The following FARP2 variants were observed in gnomAD, a reference collection of about 807,000 sequenced individuals.
The protein encoded by FARP2 is FERM, ARHGEF and pleckstrin domain-containing protein 2.
In FARP2, 111 loss-of-function variants were observed where a neutral mutation model predicts 130.5. The observed-to-expected ratio is 0.85, with a 90% CI of 0.73 to 1.00. The LOEUF (loss-of-function observed/expected upper bound fraction) is 1.00, where lower values mean the gene tolerates loss of function less well. Among genes scored for constraint, FARP2 ranks in the 50% least tolerant of loss-of-function variants. FARP2 has a pLI of 0.00. For synonymous variants in FARP2, 504 were observed against 516.9 expected, an observed-to-expected ratio of 0.98 and a Z score of 0.34; for missense variants, 1,385 against 1,346.3, an observed-to-expected ratio of 1.03 and a Z score of -0.45.
chr2:241,403,949 T>G lies in FARP2; in HGVS notation c.288+17T>G, dbSNP rs1261494369. 1.4e-6 allele frequency: 2 copies of G among 1,456,750 alleles called. No homozygotes were observed. The highest frequency in any genetic ancestry group is 3.4e-5 in the Admixed American group (2 of 59,660). The allele number at this position is 1,456,750 out of a possible 1,614,324, so 90.2% of individuals were successfully genotyped here. The stretch of plus-strand genomic sequence containing the variant: ...TCCTACTGGGTAAGTGCTTATGACG[T>G]GCCCAGGCGTGGAGCCTTTGGGCCT... On this transcript the variant is annotated intron_variant, in intron 3 of 26. Transcript: ENST00000264042.
intron 21 of FARP2, 51 bp from the exon 22 acceptor site, chr2:241,489,911 C>T: frequency 7.8e-7 from 1 of 1,275,420 alleles, no homozygotes; most frequent in Non-Finnish European, 1.1e-6. Flanking sequence ...CAGGCTTAGG[C>T]TGTCAGTTCC....
At chr2:241,430,100 C>G (rs2150394276) in intron 8 of FARP2, among the ~76,000 whole-genome samples, 1 of 152,304 alleles carries the variant, frequency 6.6e-6, no homozygotes, top group Admixed American at 6.5e-5. Flanking sequence ...GTTTATGTCA[C>G]TGTGGATTCA....
At chr2:241,405,568 A>G (rs1171955364) in intron 4 of FARP2, among the ~76,000 whole-genome samples, 1 of 152,188 alleles carries the variant, frequency 6.6e-6, no homozygotes, top group Non-Finnish European at 1.5e-5. Flanking sequence ...AAAAATAACT[A>G]TTTTATACCA....
chr2:241,486,378 C>A (rs2064751717), intron 21 of FARP2, among the ~76,000 whole-genome samples: 1 of 125,350 alleles, frequency 8.0e-6, no homozygotes, highest in Admixed American at 9.8e-5. Flanking sequence ...GGGAGAATCA[C>A]TTAAGCCCAG....
chr2:241,415,202 A>G (rs1310071616), intron 7 of FARP2, among the ~76,000 whole-genome samples: 1 of 152,172 alleles, frequency 6.6e-6, no homozygotes, highest in Non-Finnish European at 1.5e-5. Context: ...AGGGCAGTAC[A>G]GGTAGAGCTC....
chr2:241,386,999 T>C (rs557018080), intron 2 of FARP2, among the ~76,000 whole-genome samples: 20 of 152,374 alleles, frequency 1.3e-4, no homozygotes, highest in African/African-American at 4.8e-4. Flanking sequence ...GGGATACCCA[T>C]GTCCTTCTTT....
At chr2:241,467,566 C>T (rs112557213) in intron 17 of FARP2, among the ~76,000 whole-genome samples, 11,658 of 150,546 alleles carry the variant, frequency 0.077, 463 homozygotes, top group Middle Eastern at 0.13. Flanking sequence ...CACTTGAACC[C>T]GGGAGGCAGA....
rs138298343 is a variant in FARP2 at position 241,436,248 on chromosome 2, C to T, written c.1101-233C>T. 5.3e-3 allele frequency among the ~76,000 whole-genome samples: 809 copies of T among 152,202 alleles called. 14 individuals are homozygous for T. The highest frequency in any genetic ancestry group is 0.018 in the African/African-American group (757 of 41,536). On this transcript the variant is annotated intron_variant, in intron 11 of 26. Coordinates refer to ENST00000264042, the MANE Select transcript of FARP2 (RefSeq NM_014808.4). The stretch of plus-strand genomic sequence containing the variant: ...AATCTGAAAATTCTTGTTGTTTCTC[C>T]GCACGTGGAATTTTTTCCTTTAGTG...
intron 26 of FARP2, 145 bp from the exon 27 acceptor site, chr2:241,493,863 C>T: frequency 1.8e-6 from 1 of 562,724 alleles, no homozygotes; most frequent in East Asian, 3.0e-5. Flanking sequence ...TCCCAAAGTG[C>T]TGGGATTATA....
chr2:241,414,564 G>A (rs530233615), intron 7 of FARP2, among the ~76,000 whole-genome samples: 17 of 152,314 alleles, frequency 1.1e-4, no homozygotes, highest in South Asian at 2.1e-4. Context: ...TGGTTTGAAC[G>A]GCACAGACTG....
At chr2:241,404,716 T>C in intron 3 of FARP2, 83 bp from the exon 4 acceptor site, 1 of 1,057,130 alleles carries the variant, frequency 9.5e-7, no homozygotes, top group Non-Finnish European at 1.4e-6. Context: ...TATCTTATTA[T>C]AACCATTTTT....
chr2:241,462,910 A>G (rs946929118), intron 15 of FARP2, among the ~76,000 whole-genome samples: 1 of 152,086 alleles, frequency 6.6e-6, no homozygotes, highest in Non-Finnish European at 1.5e-5. Flanking sequence ...GGCTGGTCCC[A>G]AACTCCTGAC....
chr2:241,472,614 G>A (rs767277471), intron 18 of FARP2, among the ~76,000 whole-genome samples: 42 of 150,134 alleles, frequency 2.8e-4, no homozygotes, highest in Non-Finnish European at 4.6e-4. Flanking sequence ...TGAGGAGACC[G>A]TGTTCTGTAG....
At chr2:241,409,786 C>G (rs1301365870) in intron 5 of FARP2, among the ~76,000 whole-genome samples, 2 of 152,046 alleles carry the variant, frequency 1.3e-5, no homozygotes, top group African/African-American at 2.4e-5. Context: ...TTTTCCATAT[C>G]GTATATAAAA....
At chr2:241,418,529 TGAGCGCTTTA>T (rs1484011598) in intron 8 of FARP2, among the ~76,000 whole-genome samples, 1 of 152,180 alleles carries the variant, frequency 6.6e-6, no homozygotes, top group East Asian at 1.9e-4. Flanking sequence ...GGCTGGACTG[TGAGCGCTTTA>T]GAGTGGGTTA....
At chr2:241,440,454 A>T (rs572066128) in intron 12 of FARP2, among the ~76,000 whole-genome samples, 1 of 152,170 alleles carries the variant, frequency 6.6e-6, no homozygotes, top group African/African-American at 2.4e-5. Flanking sequence ...GCCACTGGAC[A>T]TCTGGTCCTG....
chr2:241,411,457 T>C (rs2062515934), intron 6 of FARP2, among the ~76,000 whole-genome samples: 1 of 152,218 alleles, frequency 6.6e-6, no homozygotes, highest in South Asian at 2.1e-4. Context: ...TAAACCAAAC[T>C]CTGAGCAAAC....
intron 7 of FARP2, among the ~76,000 whole-genome samples, chr2:241,416,203 C>A (rs533863210): frequency 6.6e-6 from 1 of 152,140 alleles, no homozygotes; most frequent in Non-Finnish European, 1.5e-5. Flanking sequence ...TGCACATGTT[C>A]TTGTGCCTGT....
chr2:241,413,066 C>T (rs2062563914), intron 6 of FARP2, among the ~76,000 whole-genome samples: 1 of 152,144 alleles, frequency 6.6e-6, no homozygotes, highest in African/African-American at 2.4e-5. Flanking sequence ...CAATGTTTGC[C>T]TCCCTGGAGT....
Sources: gnomAD v4.1 joint callset for allele counts (sites outside exome capture counted in the v4.1 genomes callset) on GRCh38, gnomAD v4.1.1 for gene constraint, MANE v1.5 for transcripts, NCBI Gene and HGNC (gene_info 2026-07-23, HGNC 2026-07-21) for gene names.